PGR: variants seen among roughly 807,000 people sequenced by gnomAD.
PGR encodes the protein nuclear receptor subfamily 3 group C member 3.
In PGR, 25 loss-of-function variants were observed where a neutral mutation model predicts 76.1. That is an observed-to-expected ratio of 0.33 (90% CI 0.24 to 0.46). PGR has a LOEUF of 0.46. PGR is among the 20% of genes least tolerant of loss of function. PGR has a pLI of 1.00. For synonymous variants in PGR, 579 were observed against 535.0 expected (o/e 1.08, Z -1.14); for missense variants, 1,172 against 1,225.3 (o/e 0.96, Z 0.65).
chr11:101,048,018 T>C (rs11571248), intron 6 of PGR, among the ~76,000 whole-genome samples: 2,294 of 152,264 alleles, frequency 0.015, 31 homozygotes, highest in Non-Finnish European at 0.02. Flanking sequence ...GTGAAAGTGA[T>C]GTATGATAGT....
chr11:101,050,713 A>C (rs1860055617), intron 5 of PGR, among the ~76,000 whole-genome samples: 5 of 152,102 alleles, frequency 3.3e-5, no homozygotes, highest in Admixed American at 2.0e-4. Flanking sequence ...GATTTTGGCT[A>C]AAAAGAGATA....
At chr11:101,111,211 T>A (rs576307328) in intron 2 of PGR, among the ~76,000 whole-genome samples, 1 of 152,300 alleles carries the variant, frequency 6.6e-6, no homozygotes, top group South Asian at 2.1e-4. Context: ...ACACAAAAAG[T>A]GGAAGTCTCC....
intron 6 of PGR, among the ~76,000 whole-genome samples, chr11:101,046,957 G>C (rs1203619392): frequency 6.6e-6 from 1 of 152,078 alleles, no homozygotes; most frequent in Non-Finnish European, 1.5e-5. Flanking sequence ...TAGTTTTAAA[G>C]ATGGATTTTC....
At chr11:101,116,888 A>G (rs1862531278) in intron 2 of PGR, among the ~76,000 whole-genome samples, 1 of 152,062 alleles carries the variant, frequency 6.6e-6, no homozygotes, top group Non-Finnish European at 1.5e-5. Context: ...CCAGAATGAT[A>G]TTGTTCCTTG....
rs1329855214 is a variant in PGR, at chr11:101,032,906, G to A, written c.*6210C>T. 3.2e-5 allele frequency: 6 copies of A among 186,426 alleles called. No homozygotes were observed. The highest frequency in any genetic ancestry group is 6.8e-5 in the Non-Finnish European group (6 of 88,330). 11.5% of individuals were successfully genotyped at this position (186,426 alleles called of 1,614,324 possible). ...AGTAAAGGCTTCACAGCTAGTTGCT[G>A]AGGAATAAAATGATGCCTAAAGTAA... On this transcript the variant is annotated 3_prime_UTR_variant, in exon 8 of 8. Coordinates refer to ENST00000325455, the MANE Select transcript of PGR (RefSeq NM_000926.4).
chr11:101,045,668 TG>T (rs1859850450), intron 6 of PGR, among the ~76,000 whole-genome samples: 2 of 28,084 alleles, frequency 7.1e-5, no homozygotes, highest in Non-Finnish European at 1.9e-4. Context: ...TTCCATTTTG[TG>T]TGTGTGTGTG....
chr11:101,104,979 G>A (rs1862105770), intron 2 of PGR, among the ~76,000 whole-genome samples: 1 of 152,150 alleles, frequency 6.6e-6, no homozygotes, highest in Admixed American at 6.5e-5. Flanking sequence ...GCTGGAAGCT[G>A]GAAGCTGGAA....
rs1859527979 is a variant in PGR at position 101,036,698 on chromosome 11, A to G, written c.*2418T>C. ...TAAATCCTAGTGTTTAGACATCTAC[A>G]TTGCAGACAGAGATCAACATCGAAG... On this transcript the variant is annotated 3_prime_UTR_variant, in exon 8 of 8. Coordinates refer to ENST00000325455, the MANE Select transcript of PGR (RefSeq NM_000926.4). 1 of 202,410 alleles carries G rather than the reference A, an allele frequency of 4.9e-6. No homozygotes were observed. The highest frequency in any genetic ancestry group is 6.0e-5 in the Admixed American group (1 of 16,704). 12.5% of individuals were successfully genotyped at this position (202,410 alleles called of 1,614,324 possible). A position where few individuals can be genotyped will look rare whatever the true frequency, so the allele number is the denominator to read the frequency against.
At chr11:101,088,362 C>T (rs1054185718) in intron 3 of PGR, among the ~76,000 whole-genome samples, 3 of 152,098 alleles carry the variant, frequency 2.0e-5, no homozygotes, top group African/African-American at 4.8e-5. Context: ...GAGACAGTCT[C>T]GCTCTGTCGC....
At chr11:101,097,806 TC>T (rs1861881523) in intron 2 of PGR, among the ~76,000 whole-genome samples, 1 of 148,350 alleles carries the variant, frequency 6.7e-6, no homozygotes, top group African/African-American at 2.5e-5. Flanking sequence ...GAGCGGAGTC[TC>T]GCTCCGTCGC....
intron 2 of PGR, among the ~76,000 whole-genome samples, chr11:101,124,559 T>TGGG (rs1862781460): frequency 6.6e-6 from 1 of 152,186 alleles, no homozygotes; most frequent in South Asian, 2.1e-4. Flanking sequence ...TTAAGAGGAT[T>TGGG]CTAAGGGAGT....
At chr11:101,094,771 C>T (rs1004417010) in intron 2 of PGR, among the ~76,000 whole-genome samples, 11 of 152,152 alleles carry the variant, frequency 7.2e-5, no homozygotes, top group African/African-American at 2.7e-4. Flanking sequence ...TTGCTTCCTT[C>T]TTGCTATGGT....
chr11:101,127,443 T>C lies in PGR; in HGVS notation c.1628A>G (p.Asn543Ser), dbSNP rs755371333. ...CGTCCCGGGCCCTCACCTCAGGTAG[T>C]TGAGATAGGGCGGGTAGACCTGCGG... ...GLPQVYPPYL[N>S]YLRPDSEASQ... Residue 543 changes from asparagine (N) to serine (S), a missense_variant, in exon 1 of 8, where the codon AAC becomes AGC. Transcript: ENST00000325455. 36 of 1,553,738 alleles carry C rather than the reference T, an allele frequency of 2.3e-5. No homozygotes were observed. The highest frequency in any genetic ancestry group is 2.8e-5 in the Non-Finnish European group (32 of 1,152,104).
chr11:101,101,619 C>T (rs1378926255), intron 2 of PGR, among the ~76,000 whole-genome samples: 2 of 152,104 alleles, frequency 1.3e-5, no homozygotes, highest in Non-Finnish European at 2.9e-5. Flanking sequence ...TGTGTGAGGC[C>T]ACATTTCCTT....
chr11:101,127,364 T>TGGC (rs1281324813), intron 1 of PGR, 70 bp downstream of exon 1: 2 of 1,232,266 alleles, frequency 1.6e-6, no homozygotes, highest in African/African-American at 3.2e-5. Flanking sequence ...GGCTGAGGGT[T>TGGC]GGCGGCCGCC....
chr11:101,109,094 G>T (rs529971736), intron 2 of PGR, among the ~76,000 whole-genome samples: 1 of 152,306 alleles, frequency 6.6e-6, no homozygotes, highest in Admixed American at 6.5e-5. Context: ...ATAAATGTGT[G>T]TGTTCAGACT....
In PGR at chr11:101,038,571, G is replaced by A. The variant is rs970893754; in HGVS notation, c.*545C>T. On this transcript the variant is annotated 3_prime_UTR_variant, in exon 8 of 8. Coordinates refer to ENST00000325455, the MANE Select transcript of PGR (RefSeq NM_000926.4). ...TTGAAGAACATCAATCTATTTTAGTGGTTTTAAACTCTTTCTACATTTTTT... is the reference window on the plus strand; with the variant it reads ...TTGAAGAACATCAATCTATTTTAGTAGTTTTAAACTCTTTCTACATTTTTT... 1 of 229,622 alleles carries A rather than the reference G, an allele frequency of 4.4e-6. No individual in the cohort carries two copies. Among genetic ancestry groups the A allele is most frequent in the African/African-American group, 2.2e-5 (1 of 45,076 alleles). 14.2% of individuals were successfully genotyped at this position (229,622 alleles called of 1,614,324 possible).
At chr11:101,048,984 G>T (rs1859990526) in intron 6 of PGR, among the ~76,000 whole-genome samples, 1 of 151,988 alleles carries the variant, frequency 6.6e-6, no homozygotes, top group East Asian at 1.9e-4. Context: ...GGGCTCAAGT[G>T]ATCCTCTCAC....
chr11:101,063,452 A>T (rs577481437), intron 3 of PGR: 1 of 152,348 alleles, frequency 6.6e-6, no homozygotes, highest in East Asian at 1.9e-4. Context: ...ATGAATTCTG[A>T]TATGTTAGGG....
Sources: gnomAD v4.1 joint callset for allele counts (sites outside exome capture counted in the v4.1 genomes callset) on GRCh38, gnomAD v4.1.1 for gene constraint, MANE v1.5 for transcripts, NCBI Gene and HGNC (gene_info 2026-07-23, HGNC 2026-07-21) for gene names.